Variants in RPRD1A observed in about 807,000 individuals in gnomAD.
RPRD1A encodes the protein regulation of nuclear pre-mRNA domain containing 1A.
In RPRD1A, 9 loss-of-function variants were observed where a neutral mutation model predicts 37.8. The observed-to-expected ratio is 0.24, with a 90% CI of 0.14 to 0.42. The LOEUF is 0.42. Among genes scored for constraint, RPRD1A ranks in the 10% least tolerant of loss-of-function variants. The pLI, the probability that RPRD1A is intolerant of heterozygous loss-of-function variation, is 1.00. For synonymous variants in RPRD1A, 138 were observed against 139.7 expected (o/e 0.99, Z 0.08); for missense variants, 255 against 371.0 (o/e 0.69, Z 2.57).
At chr18:36,000,545 G>A (rs969851441) in intron 6 of RPRD1A, among the ~76,000 whole-genome samples, 2 of 152,140 alleles carry the variant, frequency 1.3e-5, no homozygotes, top group African/African-American at 4.8e-5. Flanking sequence ...ACTAGGTTTT[G>A]AAAAACCGGT....
At chr18:36,025,631 T>C (rs1272039877) in intron 6 of RPRD1A, 1 of 1,288,666 alleles carries the variant, frequency 7.8e-7, no homozygotes, top group Non-Finnish European at 1.0e-6. Flanking sequence ...GCAGGAAGAA[T>C]ATACTAATGG....
At chr18:36,017,774 T>C (rs1480681159) in intron 6 of RPRD1A, among the ~76,000 whole-genome samples, 2 of 152,180 alleles carry the variant, frequency 1.3e-5, no homozygotes, top group African/African-American at 4.8e-5. Context: ...GGCAATAGAG[T>C]GTAAATTCCT....
At chr18:36,060,578 G>A (rs920297203) in intron 1 of RPRD1A, among the ~76,000 whole-genome samples, 1 of 152,088 alleles carries the variant, frequency 6.6e-6, no homozygotes. Flanking sequence ...TTAATTCAAC[G>A]AATATTTAAA....
At chr18:36,016,953 A>C (rs1910627898) in intron 6 of RPRD1A, among the ~76,000 whole-genome samples, 1 of 152,096 alleles carries the variant, frequency 6.6e-6, no homozygotes, top group Non-Finnish European at 1.5e-5. Context: ...TTTGGATGGT[A>C]TCTGCATGTG....
intron 6 of RPRD1A, among the ~76,000 whole-genome samples, chr18:36,008,589 A>ATATATATATATATATATATATATC (rs71381561): frequency 0.03 from 2,688 of 90,326 alleles, 374 homozygotes; most frequent in Middle Eastern, 0.055. Flanking sequence ...ATATATATAT[A>ATATATATATATATATATATATATC]TCTTTAAAAA....
At chr18:36,049,158 G>A (rs970970008) in intron 1 of RPRD1A, among the ~76,000 whole-genome samples, 1 of 151,914 alleles carries the variant, frequency 6.6e-6, no homozygotes, top group Non-Finnish European at 1.5e-5. Flanking sequence ...CACCTCCCTC[G>A]GCCTCCCAAA....
intron 6 of RPRD1A, among the ~76,000 whole-genome samples, chr18:36,004,660 TA>T (rs960027811): frequency 2.6e-5 from 4 of 151,212 alleles, no homozygotes; most frequent in Non-Finnish European, 5.9e-5. Flanking sequence ...AAACAGACCT[TA>T]AAAAAAAAGT....
intron 1 of RPRD1A, among the ~76,000 whole-genome samples, chr18:36,059,058 C>A (rs1467298277): frequency 6.6e-6 from 1 of 152,100 alleles, no homozygotes; most frequent in African/African-American, 2.4e-5. Context: ...TACTAACTAC[C>A]CTTATTTGAT....
chr18:36,012,584 T>C lies in RPRD1A; in HGVS notation c.789+14316A>G, dbSNP rs116013934. 6.5e-3 allele frequency among the ~76,000 whole-genome samples: 986 copies of C among 152,224 alleles called. 20 individuals carry two copies. The highest frequency in any genetic ancestry group is 0.023 in the African/African-American group (940 of 41,536). The stretch of plus-strand genomic sequence containing the variant: ...GTGGGTAGTAGGTATACCATCTAGG[T>C]TTGTGTAAGTGCATGCTACAATGTT... On this transcript the variant is annotated intron_variant, in intron 6 of 6. Transcript: ENST00000399022.
intron 1 of RPRD1A, among the ~76,000 whole-genome samples, chr18:36,066,503 A>C (rs1049752684): frequency 6.6e-6 from 1 of 152,248 alleles, no homozygotes; most frequent in African/African-American, 2.4e-5. Context: ...GCACTAGGAT[A>C]ATTTTTTACA....
intron 4 of RPRD1A, among the ~76,000 whole-genome samples, chr18:36,030,543 A>G (rs565745956): frequency 6.5e-4 from 99 of 152,304 alleles, no homozygotes; most frequent in African/African-American, 2.0e-3. Flanking sequence ...AAGTTTAAAT[A>G]GCTAACATCT....
chr18:36,064,756 G>A (rs574810875), intron 1 of RPRD1A, among the ~76,000 whole-genome samples: 33 of 152,246 alleles, frequency 2.2e-4, no homozygotes, highest in African/African-American at 6.0e-4. Context: ...ACCCGCTTGC[G>A]TCCACTTCCC....
chr18:36,010,500 AAAAAC>A (rs1555671032), intron 6 of RPRD1A, among the ~76,000 whole-genome samples: 4 of 152,126 alleles, frequency 2.6e-5, no homozygotes, highest in African/African-American at 9.7e-5. Context: ...CTGTCTCAAA[AAAAAC>A]AAAACAAAAC....
At chr18:36,000,527 G>A (rs554751585) in intron 6 of RPRD1A, among the ~76,000 whole-genome samples, 2 of 152,298 alleles carry the variant, frequency 1.3e-5, no homozygotes, top group East Asian at 3.9e-4. Flanking sequence ...GGAACCCAAT[G>A]CCTGTCAACT....
At chr18:36,020,994 G>A (rs1338754724) in intron 6 of RPRD1A, among the ~76,000 whole-genome samples, 1 of 152,132 alleles carries the variant, frequency 6.6e-6, no homozygotes, top group African/African-American at 2.4e-5. Flanking sequence ...TTTTCCCTTT[G>A]ATGGAAATAA....
chr18:36,001,295 T>A (rs938980857), intron 6 of RPRD1A, among the ~76,000 whole-genome samples: 2 of 152,178 alleles, frequency 1.3e-5, no homozygotes, highest in Non-Finnish European at 1.5e-5. Context: ...ATAAGCAGCA[T>A]TTAACTTTGG....
At chr18:36,033,653 A>G in intron 2 of RPRD1A, 55 bp downstream of exon 2, 1 of 1,448,756 alleles carries the variant, frequency 6.9e-7, no homozygotes. Flanking sequence ...TTTTAGCAAA[A>G]GGACATATGG....
At chr18:36,034,860 G>A (rs1366119551) in intron 1 of RPRD1A, among the ~76,000 whole-genome samples, 1 of 152,172 alleles carries the variant, frequency 6.6e-6, no homozygotes, top group Non-Finnish European at 1.5e-5. Flanking sequence ...TCACCTCTGA[G>A]TTCACATCAT....
At chr18:36,054,263 G>A (rs772502911) in intron 1 of RPRD1A, among the ~76,000 whole-genome samples, 6 of 152,208 alleles carry the variant, frequency 3.9e-5, no homozygotes, top group Admixed American at 6.5e-5. Context: ...GGCCAAGACA[G>A]GCAGATCACT....
Sources: allele counts gnomAD v4.1 joint callset (sites outside exome capture counted in the v4.1 genomes callset), GRCh38; gene constraint gnomAD v4.1.1; transcripts MANE v1.5; gene names NCBI Gene and HGNC (gene_info 2026-07-23, HGNC 2026-07-21).